ZNF385D: variants seen among roughly 807,000 people sequenced by gnomAD.
The protein encoded by ZNF385D is zinc finger protein 659.
A neutral mutation model predicts 35.8 loss-of-function variants in ZNF385D; 15 were observed. The observed-to-expected ratio is 0.42, with a 90% CI of 0.28 to 0.64. ZNF385D has a LOEUF of 0.64. Ranked by LOEUF, ZNF385D falls within the 30% of genes least tolerant of loss-of-function variation. ZNF385D has a pLI of 0.23. For missense variants in ZNF385D, 474 were observed against 494.6 expected (o/e 0.96, Z 0.39); for synonymous variants, 212 against 186.8 (o/e 1.13, Z -1.10).
At chr3:21,534,721 T>C (rs2061997638) in intron 3 of ZNF385D, among the ~76,000 whole-genome samples, 1 of 152,130 alleles carries the variant, frequency 6.6e-6, no homozygotes, top group African/African-American at 2.4e-5. Context: ...GCAAATCTAG[T>C]CCTTAATCTA....
chr3:21,615,241 C>A (rs1024013544), intron 2 of ZNF385D, among the ~76,000 whole-genome samples: 1 of 152,090 alleles, frequency 6.6e-6, no homozygotes, highest in African/African-American at 2.4e-5. Context: ...TCCATCCTCT[C>A]GCTCTCTTGC....
At chr3:21,667,056 G>A (rs555344648) in intron 1 of ZNF385D, among the ~76,000 whole-genome samples, 7 of 152,286 alleles carry the variant, frequency 4.6e-5, no homozygotes, top group Admixed American at 1.3e-4. Context: ...CAGCCTGGGC[G>A]ACAGAGCAAG....
chr3:21,940,056 C>G (rs528543195), intron 3 of ZNF385D, among the ~76,000 whole-genome samples: 30 of 152,188 alleles, frequency 2.0e-4, no homozygotes, highest in African/African-American at 7.0e-4. Flanking sequence ...CTTTCCAGTT[C>G]TTTTATTTCC....
At chr3:22,328,481 C>A (rs1181131212) in intron 2 of ZNF385D, among the ~76,000 whole-genome samples, 1 of 152,086 alleles carries the variant, frequency 6.6e-6, no homozygotes, top group African/African-American at 2.4e-5. Flanking sequence ...ATAAAAAAAA[C>A]TGGCTGGGTG....
At chr3:22,122,880 G>A (rs1024237640) in intron 3 of ZNF385D, among the ~76,000 whole-genome samples, 4 of 152,156 alleles carry the variant, frequency 2.6e-5, no homozygotes, top group African/African-American at 9.7e-5. Flanking sequence ...GGCAAAAGAT[G>A]AAGTAAAGCA....
chr3:21,976,954 C>T (rs1049346671), intron 3 of ZNF385D, among the ~76,000 whole-genome samples: 3 of 152,098 alleles, frequency 2.0e-5, no homozygotes, highest in Non-Finnish European at 2.9e-5. Context: ...TGCCACTGCA[C>T]GTCAGCCTGG....
chr3:21,577,772 C>A (rs1464964226), intron 2 of ZNF385D, among the ~76,000 whole-genome samples: 1 of 149,688 alleles, frequency 6.7e-6, no homozygotes, highest in African/African-American at 2.4e-5. Context: ...TGATGTTGAG[C>A]ATTTTTCATA....
intron 3 of ZNF385D, among the ~76,000 whole-genome samples, chr3:21,789,712 T>TTA (rs2071846614): frequency 1.3e-5 from 2 of 151,910 alleles, no homozygotes; most frequent in Admixed American, 1.3e-4. Context: ...CATGTTTATG[T>TTA]AAAAAAAGAT....
At chr3:21,943,397 T>C (rs1701629658) in intron 3 of ZNF385D, among the ~76,000 whole-genome samples, 1 of 151,746 alleles carries the variant, frequency 6.6e-6, no homozygotes, top group Non-Finnish European at 1.5e-5. Flanking sequence ...TCTCTTTTTC[T>C]ATGTTCCAAT....
In ZNF385D at chr3:22,233,572, C is replaced by T. The variant is rs140954678; in HGVS notation, c.107-64537G>A. Among the ~76,000 whole-genome samples, 212 of 152,130 alleles carry T rather than the reference C, an allele frequency of 1.4e-3. 1 individual carries two copies. The highest frequency in any genetic ancestry group is 4.8e-3 in the African/African-American group (199 of 41,522). On this transcript the variant is annotated intron_variant, in intron 2 of 5. Transcript: ENST00000494108. ...TGCGTATTATTGCATGCCATTTATA[C>T]CTCCATAAACTTAAGAAAAGTGCCC...
chr3:21,753,267 T>G (rs2070186092), upstream of ZNF385D, among the ~76,000 whole-genome samples: 1 of 152,232 alleles, frequency 6.6e-6, no homozygotes, highest in Non-Finnish European at 1.5e-5. Flanking sequence ...GTCTTACTAT[T>G]TGTTTGTTGA....
intron 1 of ZNF385D, 65 bp downstream of exon 1, chr3:21,750,830 G>C (rs1326187100): frequency 6.2e-7 from 1 of 1,603,792 alleles, no homozygotes; most frequent in Non-Finnish European, 8.5e-7. Context: ...AATTTTTTAA[G>C]GGCTTGTCTG....
chr3:22,191,336 A>G lies in ZNF385D; in HGVS notation c.107-22301T>C, dbSNP rs566869748. Among the ~76,000 whole-genome samples the G allele has an allele frequency of 2.6e-5, 4 of 152,058 alleles. No individual in the cohort carries two copies. The South Asian group carries it at 8.4e-4, about 32-fold the overall frequency. ...AACCCCGTCTCTACTGAAAATACAA[A>G]ATTAGCCGCGCATGGTGGTGCATGC... On this transcript the variant is annotated intron_variant, in intron 2 of 5. Coordinates refer to the ZNF385D transcript ENST00000494108.
intron 3 of ZNF385D, among the ~76,000 whole-genome samples, chr3:22,138,186 A>G (rs1704269593): frequency 6.6e-6 from 1 of 152,144 alleles, no homozygotes; most frequent in African/African-American, 2.4e-5. Context: ...CAAATGGAAG[A>G]ACATTCCATG....
rs140689906 is a variant in ZNF385D, at chr3:21,511,392, G to C, written c.277-369C>G. Among the ~76,000 whole-genome samples, 229 of 152,256 alleles carry C rather than the reference G, an allele frequency of 1.5e-3. 1 individual carries two copies. The highest frequency in any genetic ancestry group is 5.2e-3 in the African/African-American group (215 of 41,566). On this transcript the variant is annotated intron_variant, in intron 3 of 7. Coordinates refer to ENST00000281523, the MANE Select transcript of ZNF385D (RefSeq NM_024697.3). ...AGATTAACAAGAGCCCTAGAAAAGA[G>C]TAGCTTTCACCTTCTTGGCTTAGAA...
rs199633221 is a variant in ZNF385D, at chr3:22,049,413, C to CT, written c.325+119403dup. Among the ~76,000 whole-genome samples, 506 of 151,012 alleles carry CT rather than the reference C, an allele frequency of 3.4e-3. 1 individual carries two copies. Among genetic ancestry groups the CT allele is most frequent in the Non-Finnish European group, 4.9e-3 (330 of 67,644 alleles). The stretch of plus-strand genomic sequence containing the variant: ...TGTTTATTAGTTCTAATAGGGTGTT[C>CT]TTTTTTTTTGGCGGATTCTTTGTGT... On this transcript the variant is annotated intron_variant, in intron 3 of 5. Transcript: ENST00000494108.
At chr3:21,493,153 T>C (rs997179927) in intron 4 of ZNF385D, among the ~76,000 whole-genome samples, 1 of 152,056 alleles carries the variant, frequency 6.6e-6, no homozygotes, top group African/African-American at 2.4e-5. Context: ...GACACAAAAA[T>C]TGATACATAC....
chr3:22,053,498 C>G (rs1236980757), intron 3 of ZNF385D, among the ~76,000 whole-genome samples: 3 of 6,456 alleles, frequency 4.6e-4, no homozygotes, highest in Non-Finnish European at 8.9e-4. Context: ...AACACCTCTA[C>G]GCAAATAAAC....
intron 3 of ZNF385D, among the ~76,000 whole-genome samples, chr3:21,860,560 A>T (rs952226248): frequency 2.0e-5 from 3 of 152,158 alleles, no homozygotes; most frequent in African/African-American, 7.2e-5. Flanking sequence ...AAAGGGAGAC[A>T]CTGCCACTGC....
Sources: gnomAD v4.1 joint callset for allele counts (sites outside exome capture counted in the v4.1 genomes callset) on GRCh38, gnomAD v4.1.1 for gene constraint, MANE v1.5 for transcripts, NCBI Gene and HGNC (gene_info 2026-07-23, HGNC 2026-07-21) for gene names.